CDK6: variants seen among roughly 807,000 people sequenced by gnomAD.
The protein encoded by CDK6 is cyclin dependent kinase 6, also known as cyclin-dependent kinase 6.
Under a neutral mutation model 37.1 loss-of-function variants are expected in CDK6, and 6 were observed. The observed-to-expected ratio is 0.16, with a 90% CI of 0.09 to 0.32. CDK6 has a LOEUF of 0.32. CDK6 is among the 10% of genes least tolerant of loss of function. The pLI is 1.00. For synonymous variants in CDK6, 160 were observed against 161.3 expected (o/e 0.99, Z 0.06); for missense variants, 224 against 418.9 (o/e 0.53, Z 4.06).
At chr7:92,674,478 T>C (rs1797161352) in intron 4 of CDK6, among the ~76,000 whole-genome samples, 1 of 152,256 alleles carries the variant, frequency 6.6e-6, no homozygotes, top group Non-Finnish European at 1.5e-5. Context: ...CAATCATTCC[T>C]AGAAAGATAA....
At chr7:92,707,370 G>A (rs549957677) in intron 4 of CDK6, among the ~76,000 whole-genome samples, 9 of 152,238 alleles carry the variant, frequency 5.9e-5, no homozygotes, top group East Asian at 1.9e-4. Context: ...TCCAGAATAC[G>A]TCCCTTTAAC....
chr7:92,833,581 GC>G lies in CDK6; in HGVS notation c.-259del. 1.8e-6 allele frequency: 1 copy of G among 544,130 alleles called. No homozygotes were observed. The highest frequency in any genetic ancestry group is 3.2e-6 in the Non-Finnish European group (1 of 314,868). 33.7% of individuals were successfully genotyped at this position (544,130 alleles called of 1,614,324 possible). A position where few individuals can be genotyped will look rare whatever the true frequency, so the allele number is the denominator to read the frequency against. Reference sequence around the variant, plus strand: ...CTGCAGAGTCGCCGCCGCCGCCGCCGCCGGAGGAGCGAGCCGATCCCTCCTC... The same window carrying G: ...CTGCAGAGTCGCCGCCGCCGCCGCCGCGGAGGAGCGAGCCGATCCCTCCTC... On this transcript the variant is annotated 5_prime_UTR_variant, in exon 2 of 8. Coordinates refer to ENST00000424848, the MANE Select transcript of CDK6 (RefSeq NM_001145306.2). This position sits in a 1 kb window ranked among gnomAD's most constrained non-coding sequence, Gnocchi z 6.1.
At chr7:92,637,761 C>G (rs1562919672) in intron 5 of CDK6, among the ~76,000 whole-genome samples, 1 of 152,098 alleles carries the variant, frequency 6.6e-6, no homozygotes, top group Non-Finnish European at 1.5e-5. Context: ...TTTAAAAACT[C>G]AACATCTACT....
chr7:92,745,156 G>C (rs1410190340), intron 3 of CDK6, among the ~76,000 whole-genome samples: 3 of 152,128 alleles, frequency 2.0e-5, no homozygotes, highest in Non-Finnish European at 2.9e-5. Flanking sequence ...TTATCATTCA[G>C]AAGTTTTAAT....
chr7:92,609,804 T>C lies in CDK6; in HGVS notation c.*5336A>G, dbSNP rs996787059. 2 of 230,328 alleles carry C rather than the reference T, an allele frequency of 8.7e-6. No individual in the cohort carries two copies. The highest frequency in any genetic ancestry group is 5.7e-5 in the Admixed American group (1 of 17,696). 14.3% of individuals were successfully genotyped at this position (230,328 alleles called of 1,614,324 possible). A position where few individuals can be genotyped will look rare whatever the true frequency, so the allele number is the denominator to read the frequency against. On this transcript the variant is annotated 3_prime_UTR_variant, in exon 8 of 8. Coordinates refer to ENST00000424848, the MANE Select transcript of CDK6 (RefSeq NM_001145306.2). ...CTAGAAAAGTAAGGTAACTGGGTACTTCAAAAATTTTTTCTTGACTGAATG... is the reference window on the plus strand; with the variant it reads ...CTAGAAAAGTAAGGTAACTGGGTACCTCAAAAATTTTTTCTTGACTGAATG...
rs548988441 is a variant in CDK6, at chr7:92,774,849, G to A, written c.234-18C>T. 7.7e-5 allele frequency: 123 copies of A among 1,601,350 alleles called. No individual in the cohort carries two copies. In the South Asian group the frequency reaches 1.3e-3, roughly 17 times the overall value. ...CAAACAACCTAGAAGAAAAAACAAA[G>A]AGGTTAAGTAGGTGGCAATAAGCAA... is the stretch of plus-strand genomic sequence containing the variant. On this transcript the variant is annotated intron_variant, in intron 2 of 7. Coordinates refer to ENST00000424848, the MANE Select transcript of CDK6 (RefSeq NM_001145306.2).
Position 92,811,607 on chromosome 7 carries a change from G to A in CDK6, c.233+21484C>T, listed in dbSNP as rs981770131. Reference sequence around the variant, plus strand: ...CATTTGTTGAACAGCTCCTATGTCCGTAGTACCTATGCCTTGCCCTTGCAA... The same window carrying A: ...CATTTGTTGAACAGCTCCTATGTCCATAGTACCTATGCCTTGCCCTTGCAA... On this transcript the variant is annotated intron_variant, in intron 2 of 7. Coordinates refer to ENST00000424848, the MANE Select transcript of CDK6 (RefSeq NM_001145306.2). Among the ~76,000 whole-genome samples, 17 of 151,826 alleles carry A rather than the reference G, an allele frequency of 1.1e-4. No homozygotes were observed. The East Asian group carries it at 1.9e-3, about 17-fold the overall frequency.
At chr7:92,672,680 C>G (rs1797118464) in intron 4 of CDK6, among the ~76,000 whole-genome samples, 1 of 152,032 alleles carries the variant, frequency 6.6e-6, no homozygotes, top group South Asian at 2.1e-4. Context: ...TCTTTATTGT[C>G]AGATAAGGAA....
chr7:92,828,958 G>C (rs974316270), intron 2 of CDK6, among the ~76,000 whole-genome samples: 2 of 152,094 alleles, frequency 1.3e-5, no homozygotes, highest in Non-Finnish European at 2.9e-5. Flanking sequence ...TTTAAAAGGA[G>C]AATTAAACTC....
intron 1 of CDK6, among the ~76,000 whole-genome samples, chr7:92,836,006 A>C (rs1801661064): frequency 6.6e-6 from 1 of 152,140 alleles, no homozygotes; most frequent in Non-Finnish European, 1.5e-5. Context: ...CCCACACCTC[A>C]GCGAGCTGGA....
At chr7:92,710,703 A>T in intron 4 of CDK6, 1 of 985,308 alleles carries the variant, frequency 1.0e-6, no homozygotes, top group Non-Finnish European at 1.2e-6. Flanking sequence ...AGAATTGCCT[A>T]GGAAAGGAGA....
At chr7:92,616,140 T>C (rs1193942871) in intron 7 of CDK6, among the ~76,000 whole-genome samples, 1 of 152,130 alleles carries the variant, frequency 6.6e-6, no homozygotes, top group African/African-American at 2.4e-5. Context: ...GGCTTCTCCA[T>C]CCTAAAGTGA....
chr7:92,688,760 G>A (rs1212883557), intron 4 of CDK6, among the ~76,000 whole-genome samples: 1 of 152,060 alleles, frequency 6.6e-6, no homozygotes, highest in East Asian at 1.9e-4. Flanking sequence ...TTTCTTCTAT[G>A]GACATAATTC....
At position 92,671,542 on chromosome 7, in the gene CDK6, T is replaced by C. The variant is rs768056967; in HGVS notation, c.538-7A>G. On this transcript the variant is annotated splice_polypyrimidine_tract_variant and splice_region_variant and intron_variant, in intron 4 of 7. Coordinates refer to ENST00000424848, the MANE Select transcript of CDK6 (RefSeq NM_001145306.2). ...TGTACCACAGCGTGACGACCTGCAATGGCAAGCGGATCCAAGTGTTACTGA... is the reference window on the plus strand; with the variant it reads ...TGTACCACAGCGTGACGACCTGCAACGGCAAGCGGATCCAAGTGTTACTGA... 8 of 1,537,152 alleles carry C rather than the reference T, an allele frequency of 5.2e-6. No homozygotes were observed. In the Admixed American group the frequency reaches 1.0e-4, roughly 19 times the overall value.
intron 5 of CDK6, among the ~76,000 whole-genome samples, chr7:92,638,657 C>A (rs1478811579): frequency 6.6e-6 from 1 of 152,186 alleles, no homozygotes; most frequent in African/African-American, 2.4e-5. Flanking sequence ...TCTCTTTAGT[C>A]TATTCCAGAG....
At chr7:92,647,615 G>A (rs1294093157) in intron 5 of CDK6, among the ~76,000 whole-genome samples, 1 of 152,226 alleles carries the variant, frequency 6.6e-6, no homozygotes, top group Non-Finnish European at 1.5e-5. Context: ...TGCTGACTAT[G>A]TGCTGGATAT....
At chr7:92,674,457 T>A (rs186327234) in intron 4 of CDK6, among the ~76,000 whole-genome samples, 39 of 152,362 alleles carry the variant, frequency 2.6e-4, no homozygotes, top group Admixed American at 4.6e-4. Context: ...ATCAAATTAA[T>A]CCTTTTAAGG....
Position 92,734,284 on chromosome 7 carries a change from A to G in CDK6, c.370-8491T>C, listed in dbSNP as rs373300180. 1.3e-3 allele frequency among the ~76,000 whole-genome samples: 200 copies of G among 152,010 alleles called. 1 individual carries two copies. Among genetic ancestry groups the G allele is most frequent in the African/African-American group, 4.7e-3 (196 of 41,438 alleles). ...GTCCGCCTTCTCCTTCCTCACATAT[A>G]CCATTACCTAGCCTTTCCCCACTGA... On this transcript the variant is annotated intron_variant, in intron 3 of 7. Coordinates refer to ENST00000424848, the MANE Select transcript of CDK6 (RefSeq NM_001145306.2).
intron 4 of CDK6, among the ~76,000 whole-genome samples, chr7:92,693,572 C>T (rs2116646485): frequency 6.6e-6 from 1 of 152,244 alleles, no homozygotes; most frequent in Admixed American, 6.5e-5. Flanking sequence ...TATACTTTAA[C>T]ATGTTTTAAT....
Sources: gnomAD v4.1 joint callset for allele counts (sites outside exome capture counted in the v4.1 genomes callset) on GRCh38, gnomAD v4.1.1 for gene constraint, Gnocchi (gnomAD v3.1) non-coding constraint, MANE v1.5 for transcripts, NCBI Gene and HGNC (gene_info 2026-07-23, HGNC 2026-07-21) for gene names.